The following KIRREL3 variants were observed in gnomAD, a reference collection of about 807,000 sequenced individuals.
The protein encoded by KIRREL3 is kirre like nephrin family adhesion molecule 3.
KIRREL3 carries 36 observed loss-of-function variants against 89.7 expected under a neutral mutation model. That is an observed-to-expected ratio of 0.40 (90% CI 0.31 to 0.53). The LOEUF (loss-of-function observed/expected upper bound fraction) is 0.53, where lower values mean the gene tolerates loss of function less well. KIRREL3 is among the 20% of genes least tolerant of loss of function. The pLI is 0.49. For missense variants in KIRREL3, 864 were observed against 1,056.6 expected (o/e 0.82, Z 2.53); for synonymous variants, 445 against 441.4 (o/e 1.01, Z -0.10).
At chr11:126,964,488 A>AC (rs1364511357) in intron 1 of KIRREL3, among the ~76,000 whole-genome samples, 2 of 152,086 alleles carry the variant, frequency 1.3e-5, no homozygotes, top group Non-Finnish European at 2.9e-5. Flanking sequence ...TCCTCCTAGA[A>AC]CCCCTCCTCC....
intron 1 of KIRREL3, among the ~76,000 whole-genome samples, chr11:126,866,521 T>C (rs970319736): frequency 6.6e-6 from 1 of 151,906 alleles, no homozygotes; most frequent in Admixed American, 6.6e-5. Context: ...GGAAGAAGGA[T>C]GGGGTCCCTG....
chr11:126,743,174 CAA>C (rs901006680), intron 1 of KIRREL3, among the ~76,000 whole-genome samples: 5 of 151,744 alleles, frequency 3.3e-5, no homozygotes, highest in Admixed American at 6.6e-5. Flanking sequence ...AACAAACAAA[CAA>C]AAAAAACAGC....
chr11:126,756,326 C>G (rs1387004791), intron 1 of KIRREL3, among the ~76,000 whole-genome samples: 1 of 152,190 alleles, frequency 6.6e-6, no homozygotes, highest in South Asian at 2.1e-4. Flanking sequence ...TCAAATTTAA[C>G]AAATGGTAAA....
chr11:126,703,848 C>T lies in KIRREL3; in HGVS notation c.56-140936G>A, dbSNP rs1351033781. 6.6e-6 allele frequency among the ~76,000 whole-genome samples: 1 copy of T among 152,182 alleles called. No individual in the cohort carries two copies. Among genetic ancestry groups the T allele is most frequent in the Non-Finnish European group, 1.5e-5 (1 of 68,024 alleles). On this transcript the variant is annotated intron_variant, in intron 1 of 16. Coordinates refer to ENST00000525144, the MANE Select transcript of KIRREL3 (RefSeq NM_032531.4). The surrounding 1 kb of genome is among the most constrained non-coding windows in gnomAD (Gnocchi z 4.6). ...TCATCCTTGCCTTGGGATGTCCTCCCAACACAGGCCATTAATCTCACTCAA... is the reference window on the plus strand; with the variant it reads ...TCATCCTTGCCTTGGGATGTCCTCCTAACACAGGCCATTAATCTCACTCAA...
In KIRREL3 at chr11:127,000,641, C is replaced by T. The variant is rs1950296365; in HGVS notation, c.-132G>A. On this transcript the variant is annotated 5_prime_UTR_variant, in exon 1 of 17. Coordinates refer to ENST00000525144, the MANE Select transcript of KIRREL3 (RefSeq NM_032531.4). The surrounding 1 kb of genome is among the most constrained non-coding windows in gnomAD (Gnocchi z 7.1). Reference sequence around the variant, plus strand: ...CCTACCATCTGTCCGTCCGTGGGTCCCTCCGGGTGGCTTCGGTCTCTTTGT... The same window carrying T: ...CCTACCATCTGTCCGTCCGTGGGTCTCTCCGGGTGGCTTCGGTCTCTTTGT... 1.2e-6 allele frequency: 1 copy of T among 861,672 alleles called. No individual in the cohort carries two copies. The highest frequency in any genetic ancestry group is 1.8e-6 in the Non-Finnish European group (1 of 556,360). 53.4% of individuals were successfully genotyped at this position (861,672 alleles called of 1,614,324 possible).
At chr11:126,888,132 A>C (rs1160765741) in intron 1 of KIRREL3, among the ~76,000 whole-genome samples, 1 of 152,238 alleles carries the variant, frequency 6.6e-6, no homozygotes. Context: ...GATATAAACA[A>C]ACATACAGCA....
rs1052123992 is a variant in KIRREL3, at chr11:126,764,670, C to T, written c.56-201758G>A. Among the ~76,000 whole-genome samples the T allele has an allele frequency of 9.2e-5, 14 of 152,316 alleles. No homozygotes were observed. Among genetic ancestry groups the T allele is most frequent in the East Asian group, 3.9e-4 (2 of 5,186 alleles). ...TGGTTAGCACATGCACACGTGGGCA[C>T]GTGCAAACTCTCTCAGTGTAGGCTC... On this transcript the variant is annotated intron_variant, in intron 1 of 16. Transcript: ENST00000525144. The surrounding 1 kb of genome is among the most constrained non-coding windows in gnomAD (Gnocchi z 4.2).
chr11:126,952,439 T>C (rs948266737), intron 1 of KIRREL3, among the ~76,000 whole-genome samples: 75 of 152,346 alleles, frequency 4.9e-4, no homozygotes, highest in African/African-American at 1.8e-3. Flanking sequence ...GTTGTTTTTT[T>C]CTGGTAAATT....
chr11:126,886,962 A>G (rs1413594526), intron 1 of KIRREL3, among the ~76,000 whole-genome samples: 1 of 151,264 alleles, frequency 6.6e-6, no homozygotes, highest in Non-Finnish European at 1.5e-5. Flanking sequence ...ATTCAAGAAA[A>G]AAGGATAATT....
intron 1 of KIRREL3, chr11:126,936,654 C>A (rs2135086993): frequency 6.6e-6 from 1 of 150,818 alleles, no homozygotes; most frequent in Non-Finnish European, 1.5e-5. Flanking sequence ...CAACCAGATA[C>A]AAAAGACCAC....
In KIRREL3 at chr11:126,558,483, A is replaced by C. The variant is rs957085755; in HGVS notation, c.133+4352T>G. ...CAGCCTCCTCTTCCAGAAGTCTAAG[A>C]GCCCTGGGTGTCTGGAGCCCTGGGC... On this transcript the variant is annotated intron_variant, in intron 2 of 16. Transcript: ENST00000525144. This position sits in a 1 kb window ranked among gnomAD's most constrained non-coding sequence, Gnocchi z 4.0. 2.6e-5 allele frequency among the ~76,000 whole-genome samples: 4 copies of C among 152,104 alleles called. No individual in the cohort carries two copies. Among genetic ancestry groups the C allele is most frequent in the African/African-American group, 9.7e-5 (4 of 41,396 alleles).
intron 1 of KIRREL3, among the ~76,000 whole-genome samples, chr11:126,720,534 G>A (rs1248623791): frequency 6.6e-6 from 1 of 152,238 alleles, no homozygotes; most frequent in Non-Finnish European, 1.5e-5. Flanking sequence ...CATTAGGTGG[G>A]TGAAAAATTG....
chr11:126,906,213 T>C lies in KIRREL3; in HGVS notation c.55+94242A>G, dbSNP rs1946575862. 6.6e-6 allele frequency among the ~76,000 whole-genome samples: 1 copy of C among 152,136 alleles called. No homozygotes were observed. The highest frequency in any genetic ancestry group is 1.5e-5 in the Non-Finnish European group (1 of 68,022). Reference sequence around the variant, plus strand: ...CTGGAAGACTTTCTGACAGCTCCCTTTCTGCGGGCTGACTGCTCAAGAAGC... The same window carrying C: ...CTGGAAGACTTTCTGACAGCTCCCTCTCTGCGGGCTGACTGCTCAAGAAGC... On this transcript the variant is annotated intron_variant, in intron 1 of 16. Transcript: ENST00000525144. The surrounding 1 kb of genome is among the most constrained non-coding windows in gnomAD (Gnocchi z 4.1).
At chr11:126,465,330 C>T (rs1054814007) in intron 5 of KIRREL3, among the ~76,000 whole-genome samples, 1 of 152,186 alleles carries the variant, frequency 6.6e-6, no homozygotes, top group Admixed American at 6.5e-5. Flanking sequence ...AACCTGTGTT[C>T]CAAGTGAGCC....
At chr11:126,875,317 C>T (rs904311117) in intron 1 of KIRREL3, among the ~76,000 whole-genome samples, 5 of 152,008 alleles carry the variant, frequency 3.3e-5, no homozygotes, top group East Asian at 3.9e-4. Context: ...TAGTGAAAAA[C>T]GAGAGACATA....
At position 126,867,388 on chromosome 11, in the gene KIRREL3, C is replaced by T. The variant is rs762331730; in HGVS notation, c.55+133067G>A. 2.4e-4 allele frequency among the ~76,000 whole-genome samples: 37 copies of T among 152,170 alleles called. No individual in the cohort carries two copies. Among genetic ancestry groups the T allele is most frequent in the Non-Finnish European group, 4.4e-4 (30 of 68,030 alleles). ...TGCCTTAGCCATCAGGCTTCCCATT[C>T]GGCTGTTCTCCAGCTTGGAATGCTG... On this transcript the variant is annotated intron_variant, in intron 1 of 16. Coordinates refer to ENST00000525144, the MANE Select transcript of KIRREL3 (RefSeq NM_032531.4). The surrounding 1 kb of genome is among the most constrained non-coding windows in gnomAD (Gnocchi z 4.7).
In KIRREL3 at chr11:127,000,703, C is replaced by G. The variant is rs3802825; in HGVS notation, c.-194G>C. On this transcript the variant is annotated 5_prime_UTR_variant, in exon 1 of 17. Coordinates refer to ENST00000525144, the MANE Select transcript of KIRREL3 (RefSeq NM_032531.4). The surrounding 1 kb of genome is among the most constrained non-coding windows in gnomAD (Gnocchi z 7.1). Reference sequence around the variant, plus strand: ...TCTGCAGCCAGCCGACACAAACTGCCTGTTCTTAGCCGCCTCGGGAAGCCG... The same window carrying G: ...TCTGCAGCCAGCCGACACAAACTGCGTGTTCTTAGCCGCCTCGGGAAGCCG... The G allele has an allele frequency of 0.029, 16,054 of 546,544 alleles. 578 individuals are homozygous for G. The highest frequency in any genetic ancestry group is 0.12 in the East Asian group (3,977 of 32,060). 33.9% of individuals were successfully genotyped at this position (546,544 alleles called of 1,614,324 possible).
rs2134187019 is a variant in KIRREL3 at position 126,443,851 on chromosome 11, T to G, written c.1252+1128A>C. 6.6e-6 allele frequency among the ~76,000 whole-genome samples: 1 copy of G among 152,114 alleles called. No individual in the cohort carries two copies. Among genetic ancestry groups the G allele is most frequent in the South Asian group, 2.1e-4 (1 of 4,808 alleles). On this transcript the variant is annotated intron_variant, in intron 10 of 16. Transcript: ENST00000525144. The surrounding 1 kb of genome is among the most constrained non-coding windows in gnomAD (Gnocchi z 7.3). The stretch of plus-strand genomic sequence containing the variant: ...CAGTTCCTGCAGGGTCCCAGAGCTT[T>G]GGGGTTTTGATCTGAGTCAGGCTAT...
intron 1 of KIRREL3, among the ~76,000 whole-genome samples, chr11:126,777,815 T>G (rs1950212054): frequency 6.6e-6 from 1 of 152,194 alleles, no homozygotes; most frequent in Admixed American, 6.5e-5. Flanking sequence ...TATCTCTAGA[T>G]CAGCCTTCTT....
Sources: gnomAD v4.1 joint callset for allele counts (sites outside exome capture counted in the v4.1 genomes callset) on GRCh38, gnomAD v4.1.1 for gene constraint, Gnocchi (gnomAD v3.1) non-coding constraint, MANE v1.5 for transcripts, NCBI Gene and HGNC (gene_info 2026-07-23, HGNC 2026-07-21) for gene names.